Variants in GRAP2 observed in about 807,000 individuals in gnomAD.
GRAP2 encodes the protein GRB2 related adaptor protein 2.
In GRAP2, 31 loss-of-function variants were observed where a neutral mutation model predicts 43.5. That is an observed-to-expected ratio of 0.71 (90% CI 0.54 to 0.96). The LOEUF is 0.96. GRAP2 is among the 40% of genes least tolerant of loss of function. The probability of loss-of-function intolerance (pLI) is 0.00; values close to 1 mark genes in which losing one functional copy is unlikely to be tolerated. For synonymous variants in GRAP2, 156 were observed against 164.8 expected (o/e 0.95, Z 0.41); for missense variants, 371 against 424.4 (o/e 0.87, Z 1.11).
intron 1 of GRAP2, among the ~76,000 whole-genome samples, chr22:39,912,816 G>A (rs984305379): frequency 2.0e-5 from 3 of 152,096 alleles, no homozygotes; most frequent in African/African-American, 7.2e-5. Context: ...GCAGGGAATG[G>A]AAAATCCAGC....
intron 1 of GRAP2, among the ~76,000 whole-genome samples, chr22:39,939,918 G>A (rs923873289): frequency 1.3e-5 from 2 of 152,036 alleles, no homozygotes; most frequent in African/African-American, 4.8e-5. Context: ...AAGTAAATAA[G>A]TAAAGCAGAG....
chr22:39,906,106 A>G (rs2066521278), intron 1 of GRAP2, among the ~76,000 whole-genome samples: 1 of 152,200 alleles, frequency 6.6e-6, no homozygotes, highest in Non-Finnish European at 1.5e-5. Context: ...CCTGAAAGGA[A>G]CAATACAAGC....
In GRAP2 at chr22:39,902,260, C is replaced by A. The variant is rs541658002; in HGVS notation, c.-15+930C>A. On this transcript the variant is annotated intron_variant, in intron 1 of 7. Transcript: ENST00000344138. The stretch of plus-strand genomic sequence containing the variant: ...AGGTCGCAGAATCTTTTGTTCTATG[C>A]AGCAATGTTTGTCATAAACGGTTTA... 3.3e-5 allele frequency among the ~76,000 whole-genome samples: 5 copies of A among 152,316 alleles called. No homozygotes were observed. The East Asian group carries it at 9.6e-4, about 29-fold the overall frequency.
chr22:39,958,570 C>A (rs201647348), intron 3 of GRAP2, among the ~76,000 whole-genome samples: 1 of 127,320 alleles, frequency 7.9e-6, no homozygotes, highest in Non-Finnish European at 1.7e-5. Context: ...AATGAATGAA[C>A]GAACGAATAT....
chr22:39,902,920 A>G (rs983506061), intron 1 of GRAP2, among the ~76,000 whole-genome samples: 1 of 152,176 alleles, frequency 6.6e-6, no homozygotes, highest in Non-Finnish European at 1.5e-5. Flanking sequence ...TTTTCTTCCC[A>G]CTTCTTATAC....
In GRAP2 at chr22:39,905,642, G is replaced by T. The variant is rs995657408; in HGVS notation, c.-15+4312G>T. Among the ~76,000 whole-genome samples the T allele has an allele frequency of 5.9e-5, 9 of 152,152 alleles. No homozygotes were observed. The East Asian group carries it at 1.7e-3, about 29-fold the overall frequency. On this transcript the variant is annotated intron_variant, in intron 1 of 7. Coordinates refer to ENST00000344138, the MANE Select transcript of GRAP2 (RefSeq NM_004810.4). The stretch of plus-strand genomic sequence containing the variant: ...CAAGCATTGTTCTAATACTTTGTAG[G>T]TACTAACTCGTCTACTTCTTCTAAT...
chr22:39,899,539 G>C (rs565090258), upstream of GRAP2, among the ~76,000 whole-genome samples: 26 of 151,360 alleles, frequency 1.7e-4, no homozygotes, highest in African/African-American at 5.9e-4. Flanking sequence ...TGAGGTCAAG[G>C]TTGAGACGTT....
At chr22:39,918,607 A>T (rs532489885) in intron 1 of GRAP2, among the ~76,000 whole-genome samples, 1 of 152,224 alleles carries the variant, frequency 6.6e-6, no homozygotes, top group Non-Finnish European at 1.5e-5. Context: ...TTGCCTCTAC[A>T]ATATATTAAT....
At chr22:39,908,281 C>T (rs1214015762) in intron 1 of GRAP2, among the ~76,000 whole-genome samples, 2 of 152,208 alleles carry the variant, frequency 1.3e-5, no homozygotes, top group Non-Finnish European at 1.5e-5. Context: ...TTGCAATGTC[C>T]AAATCCCATT....
chr22:39,952,192 A>G (rs2267419), intron 2 of GRAP2, among the ~76,000 whole-genome samples: 45,287 of 151,466 alleles, frequency 0.3, 7,397 homozygotes, highest in East Asian at 0.67. Context: ...ATGCCTGGCT[A>G]ATTTTTGTCT....
chr22:39,910,886 T>C (rs2066558489), intron 1 of GRAP2, among the ~76,000 whole-genome samples: 1 of 152,212 alleles, frequency 6.6e-6, no homozygotes, highest in African/African-American at 2.4e-5. Flanking sequence ...ACTTACCTGC[T>C]GGTGCAGCTA....
At chr22:39,897,589 G>A (rs188616952), upstream of GRAP2, among the ~76,000 whole-genome samples, 354 of 146,160 alleles carry the variant, frequency 2.4e-3, 1 homozygote, top group Non-Finnish European at 4.2e-3. Context: ...GCGCAATCTC[G>A]GCTCACTGCA....
At chr22:39,910,574 A>G (rs1159356357) in intron 1 of GRAP2, among the ~76,000 whole-genome samples, 1 of 151,660 alleles carries the variant, frequency 6.6e-6, no homozygotes, top group Non-Finnish European at 1.5e-5. Flanking sequence ...ACGCCCGGCT[A>G]ATTTTTGTAT....
intron 1 of GRAP2, among the ~76,000 whole-genome samples, chr22:39,914,658 G>T (rs1478786549): frequency 6.6e-6 from 1 of 152,168 alleles, no homozygotes; most frequent in Non-Finnish European, 1.5e-5. Flanking sequence ...TCCAACATCA[G>T]TGAGATTTAT....
At chr22:39,919,135 C>T (rs1487527927) in intron 1 of GRAP2, among the ~76,000 whole-genome samples, 1 of 151,914 alleles carries the variant, frequency 6.6e-6, no homozygotes, top group Non-Finnish European at 1.5e-5. Flanking sequence ...GACCCTGTCT[C>T]TAAAGAAATA....
chr22:39,916,750 TGG>T (rs2066606187), intron 1 of GRAP2, among the ~76,000 whole-genome samples: 1 of 152,232 alleles, frequency 6.6e-6, no homozygotes, highest in Non-Finnish European at 1.5e-5. Context: ...GCGGGGCTCT[TGG>T]AGAAAGAAAA....
chr22:39,926,414 C>T (rs953810423), intron 1 of GRAP2, among the ~76,000 whole-genome samples: 2 of 151,184 alleles, frequency 1.3e-5, no homozygotes, highest in African/African-American at 4.9e-5. Flanking sequence ...AAACTGTGTG[C>T]CAGATGTCCC....
At chr22:39,961,224 C>T (rs1364742412) in intron 4 of GRAP2, among the ~76,000 whole-genome samples, 2 of 152,010 alleles carry the variant, frequency 1.3e-5, no homozygotes, top group Non-Finnish European at 2.9e-5. Context: ...CCATAGTGAC[C>T]CTTCTAGTCT....
At chr22:39,969,286 G>T (rs2067212803) in intron 6 of GRAP2, 125 bp from the exon 7 acceptor site, 1 of 1,106,872 alleles carries the variant, frequency 9.0e-7, no homozygotes, top group Non-Finnish European at 1.4e-6. Context: ...AGGGTTTATT[G>T]TCATTATCAG....
Sources: gnomAD v4.1 joint callset for allele counts (sites outside exome capture counted in the v4.1 genomes callset) on GRCh38, gnomAD v4.1.1 for gene constraint, MANE v1.5 for transcripts, NCBI Gene and HGNC (gene_info 2026-07-23, HGNC 2026-07-21) for gene names.